SKAP2: variants seen among roughly 807,000 people sequenced by gnomAD.
SKAP2 encodes src kinase associated phosphoprotein 2.
SKAP2 carries 28 observed loss-of-function variants against 54.9 expected under a neutral mutation model. The observed-to-expected ratio is 0.51, with a 90% confidence interval of 0.38 to 0.70. The LOEUF (loss-of-function observed/expected upper bound fraction) is 0.70. Among genes scored for constraint, SKAP2 ranks in the 30% least tolerant of loss-of-function variants. The probability of loss-of-function intolerance (pLI) is 0.00; values close to 1 mark genes in which losing one functional copy is unlikely to be tolerated. For synonymous variants in SKAP2, 137 were observed against 134.3 expected (o/e 1.02, Z -0.14); for missense variants, 356 against 424.1 (o/e 0.84, Z 1.41).
intron 4 of SKAP2, among the ~76,000 whole-genome samples, chr7:26,800,163 C>A (rs113406570): frequency 1.3e-5 from 2 of 151,896 alleles, no homozygotes; most frequent in African/African-American, 4.8e-5. Flanking sequence ...GAAAAACTAC[C>A]AAGCATCTTC....
chr7:26,825,598 A>AG (rs869089970), intron 4 of SKAP2, among the ~76,000 whole-genome samples: 1 of 141,696 alleles, frequency 7.1e-6, no homozygotes, highest in African/African-American at 2.6e-5. Context: ...AAAAAAAAAA[A>AG]GGAGAACTTT....
chr7:26,718,940 AG>A (rs1345564925), intron 9 of SKAP2, among the ~76,000 whole-genome samples: 1 of 152,200 alleles, frequency 6.6e-6, no homozygotes, highest in Non-Finnish European at 1.5e-5. Context: ...GCACTTTGGG[AG>A]GATGAGGCAG....
In SKAP2 at chr7:26,739,939, T is replaced by C; in HGVS notation, c.333A>G (p.Ala111=). 6.2e-7 allele frequency: 1 copy of C among 1,611,610 alleles called. No homozygotes were observed. Among genetic ancestry groups the C allele is most frequent in the Non-Finnish European group, 8.5e-7 (1 of 1,179,174 alleles). Reference sequence around the variant, plus strand: ...CCTTTAGAACAAAAGGAAGGTCTTGTGCTGCAATTGGAGGAAACTGGGCTC... The same window carrying C: ...CCTTTAGAACAAAAGGAAGGTCTTGCGCTGCAATTGGAGGAAACTGGGCTC... ...SDGAQFPPIA[A]QDLPFVLKAG... is the part of the protein sequence containing the mutation. The change falls in exon 5 of 13, where the codon GCA becomes GCG. Residue 111 remains alanine (A), a synonymous_variant. Coordinates refer to ENST00000345317, the MANE Select transcript of SKAP2 (RefSeq NM_003930.5).
chr7:26,827,395 A>C (rs1784514295), intron 4 of SKAP2, among the ~76,000 whole-genome samples: 1 of 152,182 alleles, frequency 6.6e-6, no homozygotes. Flanking sequence ...TGACTCTCAT[A>C]CAAAAATATA....
At chr7:26,755,291 CTT>C (rs1476292820) in intron 4 of SKAP2, among the ~76,000 whole-genome samples, 1 of 151,834 alleles carries the variant, frequency 6.6e-6, no homozygotes, top group Non-Finnish European at 1.5e-5. Flanking sequence ...AAATTTAAGA[CTT>C]AGTCCAATTC....
At chr7:26,801,734 T>G (rs1783919190) in intron 4 of SKAP2, among the ~76,000 whole-genome samples, 1 of 152,036 alleles carries the variant, frequency 6.6e-6, no homozygotes, top group South Asian at 2.1e-4. Context: ...GAAAAAGAAA[T>G]TTAAAAAGTA....
At chr7:26,814,110 AAAAAT>A (rs1784215382) in intron 4 of SKAP2, among the ~76,000 whole-genome samples, 1 of 151,004 alleles carries the variant, frequency 6.6e-6, no homozygotes, top group African/African-American at 2.4e-5. Flanking sequence ...TTTACTAATT[AAAAAT>A]ATTTATAAGA....
chr7:26,823,425 CAAAAAAAAAA>C (rs60207927), intron 4 of SKAP2, among the ~76,000 whole-genome samples: 3 of 94,018 alleles, frequency 3.2e-5, no homozygotes, highest in Admixed American at 1.3e-4. Flanking sequence ...GACTTTGTCT[CAAAAAAAAAA>C]AAAAAAAAAA....
intron 4 of SKAP2, among the ~76,000 whole-genome samples, chr7:26,796,649 C>T (rs1272212736): frequency 1.3e-5 from 2 of 152,236 alleles, no homozygotes; most frequent in Non-Finnish European, 2.9e-5. Context: ...TAGATGATAT[C>T]AACTTGTGGC....
intron 9 of SKAP2, among the ~76,000 whole-genome samples, chr7:26,706,913 T>G (rs1056443069): frequency 6.6e-6 from 1 of 152,264 alleles, no homozygotes; most frequent in African/African-American, 2.4e-5. Flanking sequence ...TGGATCTCTA[T>G]TTGATTTAAT....
At chr7:26,655,678 A>G in the SKAP2 span, among the ~76,000 whole-genome samples, 2 of 152,160 alleles carry the variant, frequency 1.3e-5, no homozygotes, top group African/African-American at 2.4e-5. Context: ...TTTTCCCCCT[A>G]GAGTACTCCT....
chr7:26,736,631 C>G (rs1258661239), intron 6 of SKAP2, among the ~76,000 whole-genome samples: 1 of 152,194 alleles, frequency 6.6e-6, no homozygotes, highest in Non-Finnish European at 1.5e-5. Context: ...TTTCACTTCC[C>G]TCTACGGATT....
intron 5 of SKAP2, among the ~76,000 whole-genome samples, chr7:26,739,193 T>A (rs778988870): frequency 1.3e-5 from 2 of 152,168 alleles, no homozygotes; most frequent in Admixed American, 1.3e-4. Flanking sequence ...TCATCTGTTA[T>A]AAAAAGAAGG....
chr7:26,732,005 C>CTAA (rs1331300956), intron 6 of SKAP2, among the ~76,000 whole-genome samples: 2 of 152,196 alleles, frequency 1.3e-5, no homozygotes, highest in Non-Finnish European at 2.9e-5. Flanking sequence ...ATTCCAAATC[C>CTAA]TTTAGCATCC....
intron 4 of SKAP2, among the ~76,000 whole-genome samples, chr7:26,812,533 T>C (rs933447268): frequency 1.3e-5 from 2 of 152,060 alleles, no homozygotes; most frequent in South Asian, 2.1e-4. Context: ...TCATAGAATA[T>C]AAAAAAATCA....
At chr7:26,730,862 T>A (rs1787808917) in intron 6 of SKAP2, among the ~76,000 whole-genome samples, 1 of 152,210 alleles carries the variant, frequency 6.6e-6, no homozygotes, top group African/African-American at 2.4e-5. Context: ...AGCTGTGTTC[T>A]GGGGGTTTTT....
chr7:26,791,049 T>TA (rs141552689), intron 4 of SKAP2, among the ~76,000 whole-genome samples: 3 of 151,718 alleles, frequency 2.0e-5, no homozygotes, highest in South Asian at 2.1e-4. Flanking sequence ...TGTTTTAATT[T>TA]AAAAAAAATC....
In SKAP2 at chr7:26,861,707, A is replaced by G. The variant is rs184668070; in HGVS notation, c.67+2656T>C. On this transcript the variant is annotated intron_variant, in intron 1 of 12. Transcript: ENST00000345317. ...AGGGAACAAATGTTGAAAGTATAGC[A>G]TAGAACTGCCATAATCAGACAGAAA... is the stretch of plus-strand genomic sequence containing the variant. Among the ~76,000 whole-genome samples, 61 of 150,688 alleles carry G rather than the reference A, an allele frequency of 4.0e-4. 3 individuals carry two copies. The East Asian group carries it at 0.01, about 26-fold the overall frequency.
At chr7:26,722,121 A>G (rs1787591392) in intron 9 of SKAP2, among the ~76,000 whole-genome samples, 1 of 152,224 alleles carries the variant, frequency 6.6e-6, no homozygotes. Flanking sequence ...AGGATATTTG[A>G]AGAAAAGCCA....
Sources: allele counts gnomAD v4.1 joint callset (sites outside exome capture counted in the v4.1 genomes callset), GRCh38; gene constraint gnomAD v4.1.1; transcripts MANE v1.5; gene names NCBI Gene and HGNC (gene_info 2026-07-23, HGNC 2026-07-21).